The following C5orf47 variants were observed in gnomAD, a reference collection of about 807,000 sequenced individuals.
C5orf47 encodes the protein uncharacterized protein C5orf47.
In C5orf47, 20 loss-of-function variants were observed where a neutral mutation model predicts 20.6. That is an observed-to-expected ratio of 0.97 (90% CI 0.68 to 1.41). The LOEUF (loss-of-function observed/expected upper bound fraction) is 1.41. C5orf47 is among the 40% of genes most tolerant of loss of function. The pLI is 0.00. For synonymous variants in C5orf47, 106 were observed against 97.3 expected (o/e 1.09, Z -0.53); for missense variants, 262 against 238.4 (o/e 1.10, Z -0.65).
chr5:174,009,233 A>T (rs562832974), downstream of C5orf47, among the ~76,000 whole-genome samples: 1 of 150,402 alleles, frequency 6.6e-6, no homozygotes, highest in Non-Finnish European at 1.5e-5. Flanking sequence ...ATAATCCTCC[A>T]GTGTCCTGGA....
chr5:173,991,386 C>A (rs1758994601), intron 1 of C5orf47, among the ~76,000 whole-genome samples: 1 of 152,058 alleles, frequency 6.6e-6, no homozygotes, highest in Non-Finnish European at 1.5e-5. Context: ...TAGCCTTGTT[C>A]CTGACCATAG....
intron 4 of C5orf47, among the ~76,000 whole-genome samples, chr5:174,002,277 C>T (rs1007657014): frequency 6.6e-6 from 1 of 152,004 alleles, no homozygotes; most frequent in Non-Finnish European, 1.5e-5. Flanking sequence ...ATATTTTAGA[C>T]ATGAACATGA....
At chr5:174,008,089 A>G (rs1421530888), downstream of C5orf47, among the ~76,000 whole-genome samples, 1 of 152,214 alleles carries the variant, frequency 6.6e-6, no homozygotes, top group Non-Finnish European at 1.5e-5. Context: ...AGATTTTAGG[A>G]GTCCAACGTA....
chr5:173,998,223 GAAGAAA>G lies in C5orf47; in HGVS notation c.406_411del (p.Lys136_Lys137del), dbSNP rs768436159. 1 of 1,522,024 alleles carries G rather than the reference GAAGAAA, an allele frequency of 6.6e-7. No homozygotes were observed. Among genetic ancestry groups the G allele is most frequent in the South Asian group, 1.2e-5 (1 of 81,728 alleles). The allele number at this position is 1,522,024 out of a possible 1,614,324, so 94.3% of individuals were successfully genotyped here. On this transcript the variant is annotated inframe_deletion, in exon 2 of 5. Transcript: ENST00000340147. ...CATTGAATGAAGCTTCCAAAATAAT[GAAGAAA>G]AAGAAAAAGGTATATTGCTGTAAAG...
In C5orf47 at chr5:173,992,589, T is replaced by C. The variant is rs1581192555; in HGVS notation, c.325+3001T>C. 2.0e-5 allele frequency among the ~76,000 whole-genome samples: 3 copies of C among 152,178 alleles called. No homozygotes were observed. In the South Asian group the frequency reaches 6.2e-4, roughly 32 times the overall value. On this transcript the variant is annotated intron_variant, in intron 1 of 4. Coordinates refer to ENST00000340147, the MANE Select transcript of C5orf47 (RefSeq NM_001144954.2). ...ATTTATTTTTATTATTGTTATTAAG[T>C]GTTTAGTGCAGTGAATTTTCTTCTA...
intron 1 of C5orf47, among the ~76,000 whole-genome samples, chr5:173,994,901 C>T (rs2113362865): frequency 6.6e-6 from 1 of 151,312 alleles, no homozygotes; most frequent in South Asian, 2.1e-4. Context: ...GCAACCTCTG[C>T]CTCCCAGGTT....
chr5:174,008,628 C>T (rs549738248), downstream of C5orf47, among the ~76,000 whole-genome samples: 2 of 151,884 alleles, frequency 1.3e-5, no homozygotes, highest in South Asian at 2.1e-4. Flanking sequence ...GTCAGGAGAT[C>T]GAGACCATCT....
At chr5:173,998,746 C>T (rs1759143665) in intron 2 of C5orf47, among the ~76,000 whole-genome samples, 1 of 152,128 alleles carries the variant, frequency 6.6e-6, no homozygotes, top group South Asian at 2.1e-4. Flanking sequence ...ATATTCAAGA[C>T]CGGATGCTCT....
rs1300538600 is a variant in C5orf47, at chr5:173,991,552, G to T, written c.325+1964G>T. 4.0e-5 allele frequency among the ~76,000 whole-genome samples: 6 copies of T among 151,354 alleles called. No homozygotes were observed. The East Asian group carries it at 1.2e-3, about 29-fold the overall frequency. ...AATGGGTGTTGATTTTTGTCAGAGG[G>T]TTTCTCAGGTCTATGGAGATACTCT... On this transcript the variant is annotated intron_variant, in intron 1 of 4. Coordinates refer to ENST00000340147, the MANE Select transcript of C5orf47 (RefSeq NM_001144954.2).
chr5:173,995,586 G>A (rs1291856107), intron 1 of C5orf47, among the ~76,000 whole-genome samples: 6 of 152,226 alleles, frequency 3.9e-5, no homozygotes, highest in Non-Finnish European at 8.8e-5. Flanking sequence ...TTAAAGGTTT[G>A]CTGTGAAGGT....
intron 1 of C5orf47, among the ~76,000 whole-genome samples, chr5:173,994,862 G>A (rs532267969): frequency 1.3e-5 from 2 of 152,262 alleles, no homozygotes; most frequent in East Asian, 3.9e-4. Context: ...CTCCCAGGAT[G>A]GAGTGCAGTG....
At chr5:174,002,902 G>T (rs1759224462) in intron 4 of C5orf47, among the ~76,000 whole-genome samples, 2 of 152,050 alleles carry the variant, frequency 1.3e-5, no homozygotes, top group Admixed American at 1.3e-4. Flanking sequence ...TATTTTTGAA[G>T]AATACAGGCC....
rs1759269044 is a variant in C5orf47, at chr5:174,005,257, T to C, written c.*1003T>C. 1 of 152,158 alleles carries C rather than the reference T, an allele frequency of 6.6e-6. No homozygotes were observed. Among genetic ancestry groups the C allele is most frequent in the Non-Finnish European group, 1.5e-5 (1 of 68,008 alleles). 9.4% of individuals were successfully genotyped at this position (152,158 alleles called of 1,614,324 possible). On this transcript the variant is annotated 3_prime_UTR_variant, in exon 5 of 5. Coordinates refer to ENST00000340147, the MANE Select transcript of C5orf47 (RefSeq NM_001144954.2). ...TGATTACAGTGATGACATCCATTCT[T>C]TTTTGGGGGCATTGAGAAGGTGGGC...
chr5:174,003,391 G>A (rs561412700), intron 4 of C5orf47, among the ~76,000 whole-genome samples: 1 of 152,224 alleles, frequency 6.6e-6, no homozygotes, highest in African/African-American at 2.4e-5. Context: ...TCAGGTATGG[G>A]GATAAGATGA....
chr5:173,989,514 A>G lies in C5orf47; in HGVS notation c.251A>G (p.Glu84Gly). 1.3e-6 allele frequency: 2 copies of G among 1,539,174 alleles called. No homozygotes were observed. Among genetic ancestry groups the G allele is most frequent in the South Asian group, 2.4e-5 (2 of 82,802 alleles). ...QLRVPTTPGV[E>G]AAASASSQLR... ...AGGGTCCCCACGACCCCTGGTGTGG[A>G]GGCTGCGGCCTCTGCCTCCTCCCAG... The change falls in exon 1 of 5, where the codon GAG becomes GGG. Residue 84 changes from glutamate (E) to glycine (G), a missense_variant. Coordinates refer to ENST00000340147, the MANE Select transcript of C5orf47 (RefSeq NM_001144954.2).
intron 1 of C5orf47, among the ~76,000 whole-genome samples, chr5:173,993,508 G>A (rs550587668): frequency 1.1e-4 from 16 of 152,290 alleles, no homozygotes; most frequent in Middle Eastern, 3.4e-3. Context: ...GGGTGTGGTG[G>A]TGCGCGCCTG....
intron 1 of C5orf47, among the ~76,000 whole-genome samples, chr5:173,996,701 G>A (rs973968076): frequency 7.9e-5 from 12 of 151,956 alleles, no homozygotes; most frequent in African/African-American, 2.7e-4. Flanking sequence ...TTACTTCAGT[G>A]GAAAACTGTA....
At chr5:173,991,133 TG>T (rs1232045039) in intron 1 of C5orf47, among the ~76,000 whole-genome samples, 2 of 152,234 alleles carry the variant, frequency 1.3e-5, no homozygotes, top group Non-Finnish European at 2.9e-5. Context: ...TCATAGAGTA[TG>T]TGGGCTTTTG....
Position 174,005,463 on chromosome 5 carries a change from CTATT to C in C5orf47, c.*1213_*1216del, listed in dbSNP as rs1334045795. 4 of 152,290 alleles carry C rather than the reference CTATT, an allele frequency of 2.6e-5. No homozygotes were observed. The highest frequency in any genetic ancestry group is 6.5e-5 in the Admixed American group (1 of 15,282). The allele number at this position is 152,290 out of a possible 1,614,324, so 9.4% of individuals were successfully genotyped here. A position where few individuals can be genotyped will look rare whatever the true frequency, so the allele number is the denominator to read the frequency against. On this transcript the variant is annotated 3_prime_UTR_variant, in exon 5 of 5. Coordinates refer to ENST00000340147, the MANE Select transcript of C5orf47 (RefSeq NM_001144954.2). The stretch of plus-strand genomic sequence containing the variant: ...TTGTGGTAACATGATCTTCTAGTGA[CTATT>C]TATCAAATCCACCTGTTTCTAGATG...
Sources: gnomAD v4.1 joint callset for allele counts (sites outside exome capture counted in the v4.1 genomes callset) on GRCh38, gnomAD v4.1.1 for gene constraint, MANE v1.5 for transcripts, NCBI Gene and HGNC (gene_info 2026-07-23, HGNC 2026-07-21) for gene names.